The following CORIN variants were observed in gnomAD, a reference collection of about 807,000 sequenced individuals.
CORIN encodes corin, serine peptidase.
A neutral mutation model predicts 125.3 loss-of-function variants in CORIN; 117 were observed. That is an observed-to-expected ratio of 0.93 (90% confidence interval 0.80 to 1.09). CORIN has a LOEUF of 1.09. Ranked by LOEUF, CORIN falls within the 50% of genes least tolerant of loss-of-function variation. The pLI, the probability that CORIN is intolerant of heterozygous loss-of-function variation, is 0.00. For missense variants in CORIN, 1,253 were observed against 1,306.7 expected (o/e 0.96, Z 0.63); for synonymous variants, 450 against 466.4 (o/e 0.96, Z 0.45).
At chr4:47,631,428 G>A (rs1722802523) in intron 16 of CORIN, among the ~76,000 whole-genome samples, 2 of 152,042 alleles carry the variant, frequency 1.3e-5, no homozygotes, top group Admixed American at 6.6e-5. Flanking sequence ...TGTGAACTGC[G>A]CATGCAAGGG....
In CORIN at chr4:47,741,094, G is replaced by C. The variant is rs561986292; in HGVS notation, c.799+3308C>G. 4.6e-5 allele frequency among the ~76,000 whole-genome samples: 7 copies of C among 151,934 alleles called. 1 individual carries two copies. Among genetic ancestry groups the C allele is most frequent in the Admixed American group, 2.6e-4 (4 of 15,260 alleles). On this transcript the variant is annotated intron_variant, in intron 5 of 21. Coordinates refer to ENST00000273857, the MANE Select transcript of CORIN (RefSeq NM_006587.4). Reference sequence around the variant, plus strand: ...AGCATACACAACAAAAGAAAAGACAGATAAACTGGACTTCCTCAAAGTTAA... The same window carrying C: ...AGCATACACAACAAAAGAAAAGACACATAAACTGGACTTCCTCAAAGTTAA...
At position 47,806,969 on chromosome 4, in the gene CORIN, A is replaced by G; in HGVS notation, c.142T>C (p.Leu48=). 6.2e-7 allele frequency: 1 copy of G among 1,614,002 alleles called. No homozygotes were observed. Among genetic ancestry groups the G allele is most frequent in the Non-Finnish European group, 8.5e-7 (1 of 1,179,892 alleles). The part of the protein sequence containing the change: ...LATANLLRFL[L]LVLIPCICAL... The stretch of plus-strand genomic sequence containing the variant: ...CAGATACATGGAATCAGGACCAGCA[A>G]TAGGAACCGGAGGAGGTTAGCAGTC... The change falls in exon 2 of 22, where the codon TTG becomes CTG. Residue 48 remains leucine, a synonymous_variant. Coordinates refer to ENST00000273857, the MANE Select transcript of CORIN (RefSeq NM_006587.4).
chr4:47,706,830 A>G (rs1726589582), intron 5 of CORIN: 2 of 1,598,330 alleles, frequency 1.3e-6, no homozygotes, highest in Admixed American at 1.7e-5. Context: ...TGGATCACCA[A>G]ACCAGTCCAC....
At chr4:47,803,125 GC>G (rs1291990907) in intron 2 of CORIN, among the ~76,000 whole-genome samples, 5 of 151,922 alleles carry the variant, frequency 3.3e-5, no homozygotes, top group Admixed American at 3.3e-4. Flanking sequence ...ACACAAATGG[GC>G]CCAGACTTTA....
intron 5 of CORIN, among the ~76,000 whole-genome samples, chr4:47,740,728 T>C (rs1439750114): frequency 6.6e-6 from 1 of 151,944 alleles, no homozygotes; most frequent in Non-Finnish European, 1.5e-5. Context: ...TCAAAATGTA[T>C]TGCAAACTGT....
intron 1 of CORIN, among the ~76,000 whole-genome samples, chr4:47,815,686 T>C (rs1382985611): frequency 6.6e-6 from 1 of 152,162 alleles, no homozygotes; most frequent in African/African-American, 2.4e-5. Context: ...TCTGCATATA[T>C]TGGAGAGTCT....
chr4:47,774,471 T>C (rs1028086283), intron 3 of CORIN, among the ~76,000 whole-genome samples: 3 of 152,176 alleles, frequency 2.0e-5, no homozygotes, highest in Non-Finnish European at 4.4e-5. Flanking sequence ...TTAAATTAAA[T>C]AGTAGATATA....
intron 12 of CORIN, 92 bp downstream of exon 12, chr4:47,661,619 C>CA: frequency 1.7e-6 from 2 of 1,195,314 alleles, no homozygotes; most frequent in Non-Finnish European, 2.3e-6. Context: ...AGAAAACAAA[C>CA]AAACAAGAAG....
At chr4:47,820,262 G>C (rs1036707729) in intron 1 of CORIN, among the ~76,000 whole-genome samples, 6 of 148,512 alleles carry the variant, frequency 4.0e-5, no homozygotes, top group African/African-American at 1.0e-4. Flanking sequence ...ATTAGGGTTA[G>C]AGGGAAATAA....
rs1445802318 is a variant in CORIN at position 47,787,061 on chromosome 4, T to C, written c.209-136A>G. The C allele has an allele frequency of 3.3e-5, 22 of 672,956 alleles. No individual in the cohort carries two copies. The East Asian group carries it at 6.0e-4, about 18-fold the overall frequency. 41.7% of individuals were successfully genotyped at this position (672,956 alleles called of 1,614,324 possible). A position where few individuals can be genotyped will look rare whatever the true frequency, so the allele number is the denominator to read the frequency against. On this transcript the variant is annotated intron_variant, in intron 2 of 21. Coordinates refer to ENST00000273857, the MANE Select transcript of CORIN (RefSeq NM_006587.4). ...AACCAGGTAAACACAAAGACGAAGA[T>C]GAAAGCCGTAATAGTGACCTCCTTC... is the stretch of plus-strand genomic sequence containing the variant.
At chr4:47,604,247 C>T (rs1379669952) in intron 19 of CORIN, among the ~76,000 whole-genome samples, 2 of 152,176 alleles carry the variant, frequency 1.3e-5, no homozygotes, top group Admixed American at 6.5e-5. Flanking sequence ...AAATTTCTTC[C>T]AATCTCATGG....
intron 2 of CORIN, among the ~76,000 whole-genome samples, chr4:47,788,981 T>C (rs994081571): frequency 6.6e-6 from 1 of 152,216 alleles, no homozygotes; most frequent in Non-Finnish European, 1.5e-5. Context: ...ATTTCCTTTA[T>C]CATTTTAACC....
chr4:47,696,014 C>T (rs1018107457), intron 5 of CORIN, among the ~76,000 whole-genome samples: 11 of 152,202 alleles, frequency 7.2e-5, no homozygotes, highest in Admixed American at 2.0e-4. Context: ...GGCTGATACT[C>T]GGCCAGTTTA....
chr4:47,726,656 A>G (rs1727610506), intron 5 of CORIN, among the ~76,000 whole-genome samples: 1 of 152,072 alleles, frequency 6.6e-6, no homozygotes, highest in Non-Finnish European at 1.5e-5. Flanking sequence ...AAAACTCAGA[A>G]CTATATATAC....
chr4:47,735,503 T>C (rs1027552646), intron 5 of CORIN, among the ~76,000 whole-genome samples: 3 of 152,334 alleles, frequency 2.0e-5, no homozygotes, highest in African/African-American at 7.2e-5. Flanking sequence ...AATATAAATG[T>C]TTCATCAATC....
intron 3 of CORIN, among the ~76,000 whole-genome samples, chr4:47,780,677 C>A (rs1227322989): frequency 1.3e-5 from 2 of 152,044 alleles, no homozygotes; most frequent in Non-Finnish European, 2.9e-5. Context: ...ACCTAGACAA[C>A]AATTGCACTG....
At chr4:47,773,029 A>T (rs996322134) in intron 3 of CORIN, among the ~76,000 whole-genome samples, 28 of 151,992 alleles carry the variant, frequency 1.8e-4, no homozygotes, top group East Asian at 3.8e-4. Flanking sequence ...ATTTTTTTTT[A>T]AAAAAGTAAG....
chr4:47,837,953 TAA>T lies in CORIN; in HGVS notation c.-6_-5del. 2 of 1,612,400 alleles carry T rather than the reference TAA, an allele frequency of 1.2e-6. No individual in the cohort carries two copies. The highest frequency in any genetic ancestry group is 1.1e-5 in the South Asian group (1 of 91,086). Reference sequence around the variant, plus strand: ...CGAGGGCAGGAGACTGTTTCATGGATAAAAAGTCTCGCTTATTCTTCTGTCCA... The same window carrying T: ...CGAGGGCAGGAGACTGTTTCATGGATAAAGTCTCGCTTATTCTTCTGTCCA... On this transcript the variant is annotated 5_prime_UTR_variant, in exon 1 of 22. Coordinates refer to ENST00000273857, the MANE Select transcript of CORIN (RefSeq NM_006587.4).
rs35771383 is a variant in CORIN, at chr4:47,829,157, C to CAAA, written c.63+8727_63+8729dup. 1.5e-3 allele frequency among the ~76,000 whole-genome samples: 94 copies of CAAA among 64,288 alleles called. 9 individuals carry two copies. Among genetic ancestry groups the CAAA allele is most frequent in the African/African-American group, 5.6e-3 (78 of 13,928 alleles). The allele number at this position is 64,288 out of a possible 152,430, so 42.2% of individuals were successfully genotyped here. On this transcript the variant is annotated intron_variant, in intron 1 of 21. Coordinates refer to ENST00000273857, the MANE Select transcript of CORIN (RefSeq NM_006587.4). ...TGGGTGACAGGGCGAGACTCCGTCT[C>CAAA]AAAAAAAAAAAAAAAAAAAAAAAAA...
Sources: allele counts gnomAD v4.1 joint callset (sites outside exome capture counted in the v4.1 genomes callset), GRCh38; gene constraint gnomAD v4.1.1; transcripts MANE v1.5; gene names NCBI Gene and HGNC (gene_info 2026-07-23, HGNC 2026-07-21).